The following TRUB2 variants were observed in gnomAD, a reference collection of about 807,000 sequenced individuals.
The protein encoded by TRUB2 is TruB pseudouridine synthase family member 2, also known as pseudouridylate synthase TRUB2, mitochondrial.
A neutral mutation model predicts 31.9 loss-of-function variants in TRUB2; 31 were observed. The ratio of observed to expected loss-of-function variants is 0.97; its 90% CI spans 0.73 to 1.31. The LOEUF is 1.31. Among genes scored for constraint, TRUB2 ranks in the 50% most tolerant of loss-of-function variants. The pLI is 0.00. For missense variants in TRUB2, 451 were observed against 439.6 expected (o/e 1.03, Z -0.23); for synonymous variants, 201 against 182.6 (o/e 1.10, Z -0.81).
At chr9:128,310,025 C>T in intron 7 of TRUB2, 150 bp from the exon 8 acceptor site, 1 of 844,242 alleles carries the variant, frequency 1.2e-6, no homozygotes, top group Non-Finnish European at 1.8e-6. Context: ...AGAGGACCTG[C>T]CCTGTGGGTG....
chr9:128,318,360 T>C (rs531186657), intron 2 of TRUB2, among the ~76,000 whole-genome samples: 7 of 152,048 alleles, frequency 4.6e-5, no homozygotes, highest in African/African-American at 1.7e-4. Flanking sequence ...AATAAATAAA[T>C]AAATAAACTT....
chr9:128,311,077 CAT>C (rs1258090290), intron 6 of TRUB2, 54 bp from the exon 7 acceptor site: 37 of 1,594,600 alleles, frequency 2.3e-5, no homozygotes, highest in East Asian at 1.1e-4. Context: ...CTTTCCCCCA[CAT>C]GAGGTGCCTC....
intron 6 of TRUB2, 190 bp from the exon 7 acceptor site, chr9:128,311,213 C>G: frequency 1.4e-6 from 1 of 739,904 alleles, no homozygotes; most frequent in Non-Finnish European, 2.2e-6. Flanking sequence ...GGCTCCAGAG[C>G]CCAAGCTCTT....
At position 128,309,622 on chromosome 9, in the gene TRUB2, G is replaced by T. The variant is rs981840495; in HGVS notation, c.924C>A (p.Pro308=). 3 of 1,614,066 alleles carry T rather than the reference G, an allele frequency of 1.9e-6. No individual in the cohort carries two copies. The highest frequency in any genetic ancestry group is 2.5e-6 in the Non-Finnish European group (3 of 1,180,006). The change falls in exon 8 of 8, where the codon CCC becomes CCA. Residue 308 remains proline, a synonymous_variant. Transcript: ENST00000372890. ...LSPGLDTKQL[P]SPGWSWDSQG... is the part of the protein sequence containing the mutation. ...GGGAGTCCCAGGACCATCCCGGACT[G>T]GGGAGCTGCTTGGTGTCCAGCCCCG... is the stretch of plus-strand genomic sequence containing the variant.
chr9:128,309,920 C>T (rs763328083), intron 7 of TRUB2, 45 bp from the exon 8 acceptor site: 2 of 1,590,048 alleles, frequency 1.3e-6, no homozygotes, highest in South Asian at 2.3e-5. Flanking sequence ...AGAGCACAGC[C>T]TCTAGTGTGT....
intron 6 of TRUB2, 118 bp from the exon 7 acceptor site, chr9:128,311,141 C>A: frequency 7.2e-7 from 1 of 1,392,844 alleles, no homozygotes; most frequent in African/African-American, 1.4e-5. Context: ...GCTCCTCCAG[C>A]CACCTTTCCT....
At chr9:128,311,649 G>A (rs771686130) in intron 5 of TRUB2, 48 bp from the exon 6 acceptor site, 1 of 1,595,794 alleles carries the variant, frequency 6.3e-7, no homozygotes, top group Non-Finnish European at 8.6e-7. Context: ...GCTGAGTATT[G>A]GTCACAGCAA....
At chr9:128,316,974 G>A (rs1832079351) in intron 3 of TRUB2, 178 bp downstream of exon 3, 6 of 587,580 alleles carry the variant, frequency 1.0e-5, no homozygotes, top group Non-Finnish European at 1.8e-5. Context: ...GTATTAACCT[G>A]TGATTACCTC....
rs1480812608 is a variant in TRUB2 at position 128,309,663 on chromosome 9, CCAGCTCTG to C, written c.875_882del (p.Ala292GlyfsTer50). On this transcript the variant is annotated frameshift_variant, in exon 8 of 8. Coordinates refer to ENST00000372890, the MANE Select transcript of TRUB2 (RefSeq NM_015679.3). LOFTEE classifies it high-confidence loss of function. ...TCCAGCCCCGGGCTCAAGCTCTTCT[CCAGCTCTG>C]CAGCTACCTGAGGGGTAGCAGCCCG... 1 of 1,614,208 alleles carries C rather than the reference CCAGCTCTG, an allele frequency of 6.2e-7. No individual in the cohort carries two copies. Among genetic ancestry groups the C allele is most frequent in the Non-Finnish European group, 8.5e-7 (1 of 1,180,040 alleles).
Position 128,308,107 on chromosome 9 carries a change from G to C in TRUB2, c.*1443C>G, listed in dbSNP as rs1831897338. The C allele has an allele frequency of 1.3e-5, 2 of 152,462 alleles. No individual in the cohort carries two copies. The highest frequency in any genetic ancestry group is 1.3e-4 in the Admixed American group (2 of 15,248). The allele number at this position is 152,462 out of a possible 1,614,324, so 9.4% of individuals were successfully genotyped here. ...TAGCCAGGCATGGTGGTACACATCT[G>C]TAATCCCAGCTACTTGAGAAGCTGA... On this transcript the variant is annotated 3_prime_UTR_variant, in exon 8 of 8. Transcript: ENST00000372890.
Position 128,322,416 on chromosome 9 carries a change from G to C in TRUB2, c.-8C>G, listed in dbSNP as rs979829650. ...CAAGCCAGCAGACCCCATACTTGAAGATCACAGCACCCGCTGGACCTGGAC... is the reference window on the plus strand; with the variant it reads ...CAAGCCAGCAGACCCCATACTTGAACATCACAGCACCCGCTGGACCTGGAC... On this transcript the variant is annotated 5_prime_UTR_variant, in exon 1 of 8. It adds an upstream start codon to the 5' untranslated region. Coordinates refer to ENST00000372890, the MANE Select transcript of TRUB2 (RefSeq NM_015679.3). 18 of 1,613,984 alleles carry C rather than the reference G, an allele frequency of 1.1e-5. No individual in the cohort carries two copies. The highest frequency in any genetic ancestry group is 1.4e-5 in the Non-Finnish European group (17 of 1,179,944).
At chr9:128,321,322 T>G (rs747973048) in intron 2 of TRUB2, among the ~76,000 whole-genome samples, 3 of 152,256 alleles carry the variant, frequency 2.0e-5, no homozygotes, top group Non-Finnish European at 4.4e-5. Context: ...TAAAGTTCTA[T>G]TGGAATACAG....
At position 128,309,807 on chromosome 9, in the gene TRUB2, T is replaced by C. The variant is rs1440625117; in HGVS notation, c.739A>G (p.Lys247Glu). The stretch of plus-strand genomic sequence containing the variant: ...ACTTGGGTGCAGACAGCAGTGGTCT[T>C]TAGTTCCAGGCCGATTTCATGAACC... ...KLVHEIGLEL[K>E]TTAVCTQVRR... The change falls in exon 8 of 8, where the codon AAG (lysine) becomes GAG (glutamate). Residue 247 changes from lysine to glutamate, a missense_variant. Transcript: ENST00000372890. 2 of 1,614,114 alleles carry C rather than the reference T, an allele frequency of 1.2e-6. No homozygotes were observed. Among genetic ancestry groups the C allele is most frequent in the African/African-American group, 1.3e-5 (1 of 74,946 alleles).
intron 2 of TRUB2, among the ~76,000 whole-genome samples, chr9:128,318,242 G>A (rs1832100657): frequency 6.6e-6 from 1 of 152,142 alleles, no homozygotes; most frequent in African/African-American, 2.4e-5. Flanking sequence ...TACTTGGGAG[G>A]CTGAGGCAAG....
chr9:128,315,518 C>T, intron 4 of TRUB2, 49 bp downstream of exon 4: 1 of 1,585,958 alleles, frequency 6.3e-7, no homozygotes. Context: ...TGCTGGTGAC[C>T]CCCAGGAAAG....
At position 128,309,593 on chromosome 9, in the gene TRUB2, C is replaced by A. The variant is rs757590661; in HGVS notation, c.953G>T (p.Gly318Val). The change falls in exon 8 of 8, where the codon GGC (glycine) becomes GTC (valine). Residue 318 changes from glycine (G) to valine (V), a missense_variant. Gly to Val is a moderately radical substitution (Grantham distance 109). Coordinates refer to ENST00000372890, the MANE Select transcript of TRUB2 (RefSeq NM_015679.3). ...PSPGWSWDSQ[G>V]PSSTLGLERG... is the part of the protein sequence containing the mutation. ...CTCCAGCCCCAAGGTAGAGCTCGGG[C>A]CCTGGGAGTCCCAGGACCATCCCGG... 8 of 1,613,640 alleles carry A rather than the reference C, an allele frequency of 5.0e-6. No individual in the cohort carries two copies. The Admixed American group carries it at 1.3e-4, about 27-fold the overall frequency.
chr9:128,306,755 A>G lies in TRUB2; in HGVS notation c.*2795T>C, dbSNP rs1831873717. 7.0e-6 allele frequency: 1 copy of G among 142,896 alleles called. No individual in the cohort carries two copies. Among genetic ancestry groups the G allele is most frequent in the Non-Finnish European group, 1.5e-5 (1 of 66,744 alleles). The allele number at this position is 142,896 out of a possible 1,614,324, so 8.9% of individuals were successfully genotyped here. ...CCAGCCTTTTTTTTTTTCTTTTCTG[A>G]GACAGAGTCTCACTCTCTCGTCCAG... On this transcript the variant is annotated 3_prime_UTR_variant, in exon 8 of 8. Transcript: ENST00000372890.
chr9:128,309,410 T>C lies in TRUB2; in HGVS notation c.*140A>G, dbSNP rs1338195611. The C allele has an allele frequency of 9.9e-6, 9 of 911,268 alleles. No individual in the cohort carries two copies. The highest frequency in any genetic ancestry group is 1.5e-5 in the Non-Finnish European group (9 of 612,220). The allele number at this position is 911,268 out of a possible 1,614,324, so 56.4% of individuals were successfully genotyped here. A position where few individuals can be genotyped will look rare whatever the true frequency, so the allele number is the denominator to read the frequency against. On this transcript the variant is annotated 3_prime_UTR_variant, in exon 8 of 8. Transcript: ENST00000372890. The stretch of plus-strand genomic sequence containing the variant: ...TTCCTTCTCAGTTGGGTCAAGTCCA[T>C]TGACCTTTCTGTTACAGCTTGAGTT...
chr9:128,313,397 G>A (rs1248859445), intron 5 of TRUB2, among the ~76,000 whole-genome samples: 4 of 150,598 alleles, frequency 2.7e-5, no homozygotes, highest in African/African-American at 4.9e-5. Context: ...AAAGCCGGGC[G>A]TGGTGGCGGG....
Sources: allele counts gnomAD v4.1 joint callset (sites outside exome capture counted in the v4.1 genomes callset), GRCh38; gene constraint gnomAD v4.1.1; transcripts MANE v1.5; gene names NCBI Gene and HGNC (gene_info 2026-07-23, HGNC 2026-07-21).